The following ZFHX3 variants were observed in gnomAD, a reference collection of about 807,000 sequenced individuals.
ZFHX3 encodes zinc finger homeobox 3, also known as zinc finger homeobox protein 3.
Under a neutral mutation model 279.1 loss-of-function variants are expected in ZFHX3, and 42 were observed. That is an observed-to-expected ratio of 0.15 (90% CI 0.12 to 0.19). The LOEUF (loss-of-function observed/expected upper bound fraction) is 0.19. Ranked by LOEUF, ZFHX3 falls within the 10% of genes least tolerant of loss-of-function variation. The probability of loss-of-function intolerance (pLI) is 1.00; values close to 1 mark genes in which losing one functional copy is unlikely to be tolerated. For missense variants in ZFHX3, 4,981 were observed against 4,754.0 expected, an observed-to-expected ratio of 1.05 and a Z score of -1.40; for synonymous variants, 2,293 against 1,957.8, an observed-to-expected ratio of 1.17 and a Z score of -4.52.
At chr16:73,278,017 C>T (rs1242356125) in intron 4 of ZFHX3, among the ~76,000 whole-genome samples, 1 of 152,112 alleles carries the variant, frequency 6.6e-6, no homozygotes, top group African/African-American at 2.4e-5. Context: ...CAGTCACCTC[C>T]CACCAGGCCC....
chr16:73,042,709 G>A (rs936491516), intron 1 of ZFHX3, among the ~76,000 whole-genome samples: 1 of 152,052 alleles, frequency 6.6e-6, no homozygotes, highest in African/African-American at 2.4e-5. Flanking sequence ...TTGTGGCCAA[G>A]ATAACTTTTG....
intron 3 of ZFHX3, 36 bp from the exon 4 acceptor site, chr16:72,889,998 AAGCCAC>A: frequency 6.4e-7 from 1 of 1,568,112 alleles, no homozygotes; most frequent in East Asian, 2.3e-5. Context: ...TGCCTTGGGT[AAGCCAC>A]TCGAAGCGGC....
At chr16:73,393,083 C>T (rs980898220) in intron 3 of ZFHX3, among the ~76,000 whole-genome samples, 3 of 152,216 alleles carry the variant, frequency 2.0e-5, no homozygotes, top group African/African-American at 7.2e-5. Flanking sequence ...GACCTGCCCA[C>T]CTTGGCTTCC....
chr16:72,882,242 T>C (rs73590746), intron 4 of ZFHX3, among the ~76,000 whole-genome samples: 1,542 of 150,690 alleles, frequency 0.01, 23 homozygotes, highest in African/African-American at 0.035. Context: ...GTATCAATGC[T>C]TCTCCCAGTG....
chr16:73,197,924 G>GTT (rs71156148), intron 5 of ZFHX3, among the ~76,000 whole-genome samples: 3,905 of 53,878 alleles, frequency 0.072, 813 homozygotes, highest in East Asian at 0.18. Flanking sequence ...TGATTTGGTG[G>GTT]TTTTTTTTTT....
chr16:73,812,659 C>T (rs1960457025), intron 1 of ZFHX3: 1 of 152,216 alleles, frequency 6.6e-6, no homozygotes, highest in African/African-American at 2.4e-5. Flanking sequence ...TAGCCCTTTT[C>T]TATTATAGAC....
intron 4 of ZFHX3, among the ~76,000 whole-genome samples, chr16:73,292,834 C>T (rs1023688515): frequency 2.0e-5 from 3 of 152,142 alleles, no homozygotes; most frequent in Admixed American, 6.5e-5. Flanking sequence ...TTGTTCTGTT[C>T]ATGGACTAAA....
At chr16:73,229,195 C>T (rs953079543) in intron 5 of ZFHX3, among the ~76,000 whole-genome samples, 1 of 152,110 alleles carries the variant, frequency 6.6e-6, no homozygotes, top group Admixed American at 6.5e-5. Context: ...GCTCCCCAGC[C>T]CTCTCTGCTC....
chr16:73,711,773 A>G (rs2053365458), intron 1 of ZFHX3, among the ~76,000 whole-genome samples: 1 of 152,244 alleles, frequency 6.6e-6, no homozygotes, highest in South Asian at 2.1e-4. Context: ...TAGGTGTGTC[A>G]CCTAGAGCCA....
intron 4 of ZFHX3, among the ~76,000 whole-genome samples, chr16:72,878,178 C>A (rs372819270): frequency 8.6e-5 from 13 of 151,750 alleles, no homozygotes; most frequent in African/African-American, 2.2e-4. Flanking sequence ...CCTGTCTCTA[C>A]AAAAAAAGAA....
At chr16:72,813,253 A>G (rs1567528990) in intron 5 of ZFHX3, among the ~76,000 whole-genome samples, 1 of 152,256 alleles carries the variant, frequency 6.6e-6, no homozygotes, top group South Asian at 2.1e-4. Flanking sequence ...AATGTGACTC[A>G]GCATTCAGGT....
chr16:73,247,627 G>C (rs1219250840), intron 5 of ZFHX3, among the ~76,000 whole-genome samples: 4 of 151,628 alleles, frequency 2.6e-5, no homozygotes, highest in Admixed American at 6.6e-5. Context: ...TATGTGGAGT[G>C]TGTGTGTTCA....
Position 72,885,318 on chromosome 16 carries a change from C to T in ZFHX3, c.3448+4413G>A, listed in dbSNP as rs78960455. Among the ~76,000 whole-genome samples the T allele has an allele frequency of 5.9e-3, 901 of 152,358 alleles. 22 individuals are homozygous for T. The highest frequency in any genetic ancestry group is 0.056 in the East Asian group (291 of 5,182). ...TGGTGCAGGGCAGGACTTAGATGTA[C>T]GTGCCCAACCACGAGGCCTCTCAAG... is the stretch of plus-strand genomic sequence containing the variant. On this transcript the variant is annotated intron_variant, in intron 4 of 9. Coordinates refer to ENST00000268489, the MANE Select transcript of ZFHX3 (RefSeq NM_006885.4).
chr16:73,872,965 G>A (rs2029868129), intron 1 of ZFHX3, among the ~76,000 whole-genome samples: 1 of 5,840 alleles, frequency 1.7e-4, no homozygotes. Context: ...GTGGGTGGTG[G>A]TGGGTGGTGG....
chr16:73,278,867 C>T (rs1254736136), intron 4 of ZFHX3, among the ~76,000 whole-genome samples: 1 of 152,132 alleles, frequency 6.6e-6, no homozygotes, highest in African/African-American at 2.4e-5. Context: ...CTGATTGGTG[C>T]ATTTTACAAT....
intron 7 of ZFHX3, among the ~76,000 whole-genome samples, chr16:72,803,583 T>G (rs2036178497): frequency 6.6e-6 from 1 of 152,150 alleles, no homozygotes; most frequent in African/African-American, 2.4e-5. Context: ...TCCTACAATG[T>G]CCATACTTCC....
chr16:73,755,958 T>C (rs896011411), intron 1 of ZFHX3, among the ~76,000 whole-genome samples: 17 of 152,260 alleles, frequency 1.1e-4, no homozygotes, highest in African/African-American at 3.6e-4. Flanking sequence ...TGGGTCCTGA[T>C]AGCACATGCC....
chr16:73,265,377 T>C (rs189410901), intron 4 of ZFHX3, among the ~76,000 whole-genome samples: 3 of 152,168 alleles, frequency 2.0e-5, no homozygotes, highest in African/African-American at 7.2e-5. Context: ...TTTGCTGCAG[T>C]TTTCTTCTTG....
At chr16:72,939,176 A>T (rs967473119) in intron 3 of ZFHX3, among the ~76,000 whole-genome samples, 6 of 152,176 alleles carry the variant, frequency 3.9e-5, no homozygotes, top group African/African-American at 1.4e-4. Context: ...GACCACAGTG[A>T]AAACCATCTT....
Sources: allele counts gnomAD v4.1 joint callset (sites outside exome capture counted in the v4.1 genomes callset), GRCh38; gene constraint gnomAD v4.1.1; transcripts MANE v1.5; gene names NCBI Gene and HGNC (gene_info 2026-07-23, HGNC 2026-07-21).